Variants in NTM observed in about 807,000 individuals in gnomAD.
NTM encodes IgLON family member 2.
A neutral mutation model predicts 42.1 loss-of-function variants in NTM; 13 were observed. That is an observed-to-expected ratio of 0.31 (90% CI 0.20 to 0.49). The LOEUF is 0.49. NTM is among the 20% of genes least tolerant of loss of function. The pLI is 0.99. For synonymous variants in NTM, 187 were observed against 179.2 expected (o/e 1.04, Z -0.35); for missense variants, 373 against 452.8 (o/e 0.82, Z 1.60).
chr11:131,958,451 A>G (rs1003871832), intron 2 of NTM, among the ~76,000 whole-genome samples: 26 of 152,198 alleles, frequency 1.7e-4, no homozygotes, highest in African/African-American at 5.3e-4. Flanking sequence ...ACTTCCCTAT[A>G]TAACTGTAGT....
chr11:132,013,893 G>A (rs1430074176), intron 2 of NTM, among the ~76,000 whole-genome samples: 5 of 152,084 alleles, frequency 3.3e-5, no homozygotes, highest in Non-Finnish European at 7.4e-5. Flanking sequence ...AACATTTCGA[G>A]TGGTATCTTC....
chr11:131,577,756 C>A (rs2058059179), intron 1 of NTM, among the ~76,000 whole-genome samples: 1 of 152,168 alleles, frequency 6.6e-6, no homozygotes, highest in Admixed American at 6.5e-5. Context: ...TTTCTTCAGA[C>A]TCTTACAGTG....
chr11:131,726,744 T>A (rs1406104346), intron 1 of NTM, among the ~76,000 whole-genome samples: 2 of 151,228 alleles, frequency 1.3e-5, no homozygotes, highest in Non-Finnish European at 2.9e-5. Flanking sequence ...GACAGAGTCT[T>A]GCTTGGTCAT....
At chr11:131,655,914 C>A (rs1323878189) in intron 1 of NTM, among the ~76,000 whole-genome samples, 1 of 152,212 alleles carries the variant, frequency 6.6e-6, no homozygotes, top group Non-Finnish European at 1.5e-5. Context: ...GCCATCTGGG[C>A]ACCTGCCCTA....
intron 6 of NTM, among the ~76,000 whole-genome samples, chr11:132,314,263 T>C (rs2095364370): frequency 6.6e-6 from 1 of 152,166 alleles, no homozygotes; most frequent in Admixed American, 6.5e-5. Context: ...GCAGGGGTTA[T>C]TTGTTGTGGT....
At chr11:132,019,279 A>C (rs1348863671) in intron 2 of NTM, among the ~76,000 whole-genome samples, 1 of 151,746 alleles carries the variant, frequency 6.6e-6, no homozygotes, top group Non-Finnish European at 1.5e-5. Flanking sequence ...CCTTTTTTTA[A>C]CATAGACGTT....
At chr11:132,126,475 A>T (rs2137009491) in intron 2 of NTM, among the ~76,000 whole-genome samples, 1 of 152,272 alleles carries the variant, frequency 6.6e-6, no homozygotes, top group African/African-American at 2.4e-5. Flanking sequence ...AGGCGATCAG[A>T]TTGGAAATCA....
At chr11:131,996,110 G>C (rs963260953) in intron 2 of NTM, among the ~76,000 whole-genome samples, 1 of 152,258 alleles carries the variant, frequency 6.6e-6, no homozygotes, top group South Asian at 2.1e-4. Context: ...GCCAGTTTCA[G>C]GGGGACTGCC....
At chr11:131,599,930 G>A (rs1470476208) in intron 1 of NTM, among the ~76,000 whole-genome samples, 1 of 152,226 alleles carries the variant, frequency 6.6e-6, no homozygotes, top group Non-Finnish European at 1.5e-5. Flanking sequence ...CCCTTCTGGA[G>A]TAAGGACAGT....
chr11:132,135,293 C>G (rs1002313714), intron 2 of NTM, among the ~76,000 whole-genome samples: 2 of 152,206 alleles, frequency 1.3e-5, no homozygotes, highest in Non-Finnish European at 1.5e-5. Flanking sequence ...TACAGACCAC[C>G]CTCCATCTTT....
chr11:131,694,821 G>A (rs2075234686), intron 1 of NTM, among the ~76,000 whole-genome samples: 1 of 152,218 alleles, frequency 6.6e-6, no homozygotes, highest in African/African-American at 2.4e-5. Flanking sequence ...GATCACTCAG[G>A]ATTGGGTGGG....
At chr11:132,113,459 T>C (rs1454964313) in intron 2 of NTM, among the ~76,000 whole-genome samples, 1 of 152,184 alleles carries the variant, frequency 6.6e-6, no homozygotes, top group Non-Finnish European at 1.5e-5. Flanking sequence ...CTCTTTCAGA[T>C]CTGTGTACCC....
intron 1 of NTM, among the ~76,000 whole-genome samples, chr11:131,881,942 C>G (rs2049594436): frequency 1.3e-5 from 2 of 152,164 alleles, no homozygotes; most frequent in Admixed American, 1.3e-4. Context: ...ATCTCCCTCT[C>G]CAGTAGAGAA....
At chr11:131,576,015 A>G (rs1238535947) in intron 1 of NTM, among the ~76,000 whole-genome samples, 3 of 152,164 alleles carry the variant, frequency 2.0e-5, no homozygotes, top group South Asian at 2.1e-4. Flanking sequence ...TTCGTGCTCA[A>G]TAGGCAATAG....
chr11:132,000,382 C>A (rs201452938), intron 2 of NTM, among the ~76,000 whole-genome samples: 1 of 152,202 alleles, frequency 6.6e-6, no homozygotes, highest in African/African-American at 2.4e-5. Context: ...GTGGTTTTTG[C>A]TACTCCTTCT....
intron 2 of NTM, among the ~76,000 whole-genome samples, chr11:132,112,718 TACACACACACACACACACAC>T (rs61630313): frequency 6.5e-4 from 92 of 142,158 alleles, no homozygotes; most frequent in African/African-American, 2.3e-3. Context: ...ACTGCACACT[TACACACACACACACACACAC>T]ACACACACAC....
At chr11:131,938,763 C>G (rs1301346261) in intron 2 of NTM, among the ~76,000 whole-genome samples, 1 of 152,014 alleles carries the variant, frequency 6.6e-6, no homozygotes, top group East Asian at 1.9e-4. Flanking sequence ...GATGTAGAAA[C>G]AGCGTGTACA....
intron 4 of NTM, among the ~76,000 whole-genome samples, chr11:132,225,986 G>C (rs1274602263): frequency 1.3e-5 from 2 of 152,018 alleles, no homozygotes; most frequent in South Asian, 4.2e-4. Context: ...TCTTGTGTTT[G>C]TTTGCTGAGA....
At chr11:132,176,722 GTTTTTTTTTTTT>G (rs148699196) in intron 3 of NTM, among the ~76,000 whole-genome samples, 2 of 82,004 alleles carry the variant, frequency 2.4e-5, no homozygotes, top group African/African-American at 9.6e-5. Context: ...CATGCCTAAA[GTTTTTTTTTTTT>G]TTTTTTTTTT....
Sources: gnomAD v4.1 joint callset for allele counts (sites outside exome capture counted in the v4.1 genomes callset) on GRCh38, gnomAD v4.1.1 for gene constraint, MANE v1.5 for transcripts, NCBI Gene and HGNC (gene_info 2026-07-23, HGNC 2026-07-21) for gene names.